Variants in PTPN13 observed in about 807,000 individuals in gnomAD.
PTPN13 encodes tyrosine-protein phosphatase non-receptor type 13.
A neutral mutation model predicts 284.0 loss-of-function variants in PTPN13; 191 were observed. The ratio of observed to expected loss-of-function variants is 0.67; its 90% confidence interval spans 0.60 to 0.76. The LOEUF (loss-of-function observed/expected upper bound fraction) is 0.76. Among genes scored for constraint, PTPN13 ranks in the 30% least tolerant of loss-of-function variants. The pLI, the probability that PTPN13 is intolerant of heterozygous loss-of-function variation, is 0.00. For missense variants in PTPN13, 2,797 were observed against 2,939.9 expected (o/e 0.95, Z 1.12); for synonymous variants, 986 against 1,022.3 (o/e 0.96, Z 0.68).
At chr4:86,658,230 C>T (rs1021504134) in intron 2 of PTPN13, among the ~76,000 whole-genome samples, 40 of 152,190 alleles carry the variant, frequency 2.6e-4, no homozygotes, top group Middle Eastern at 3.2e-3. Context: ...TATGACAGAG[C>T]AGCACTGAGC....
chr4:86,637,532 A>G (rs1723172646), intron 2 of PTPN13, among the ~76,000 whole-genome samples: 1 of 151,838 alleles, frequency 6.6e-6, no homozygotes, highest in Non-Finnish European at 1.5e-5. Flanking sequence ...AATATACGCA[A>G]ATCAATAAAT....
At chr4:86,632,131 A>G (rs962430805) in intron 1 of PTPN13, among the ~76,000 whole-genome samples, 1 of 152,108 alleles carries the variant, frequency 6.6e-6, no homozygotes, top group Non-Finnish European at 1.5e-5. Flanking sequence ...CCCTTTGGTA[A>G]TACTAATGAC....
Position 86,772,909 on chromosome 4 carries a change from G to A in PTPN13, c.5300G>A (p.Trp1767Ter). The change falls in exon 32 of 48, where the codon TGG (tryptophan) becomes TAG (stop). Residue 1767 changes from tryptophan (W) to a stop codon, truncating the protein, a stop_gained. Transcript: ENST00000411767. LOFTEE classifies it high-confidence loss of function. ...TCTGAACCAACTAGACAAGAAAACT[G>A]GACACCTTTGAAAAATGACTTGGAA... ...HISEPTRQEN[W>*]TPLKNDLENH... 1.2e-6 allele frequency: 2 copies of A among 1,609,440 alleles called. No homozygotes were observed. The highest frequency in any genetic ancestry group is 1.7e-6 in the Non-Finnish European group (2 of 1,177,738).
At chr4:86,636,014 A>T (rs1411762745) in intron 2 of PTPN13, among the ~76,000 whole-genome samples, 1 of 152,086 alleles carries the variant, frequency 6.6e-6, no homozygotes, top group East Asian at 1.9e-4. Context: ...TGTACTGTAT[A>T]AACAAATGTA....
At chr4:86,781,542 T>C (rs1372679694) in intron 36 of PTPN13, among the ~76,000 whole-genome samples, 1 of 152,250 alleles carries the variant, frequency 6.6e-6, no homozygotes, top group African/African-American at 2.4e-5. Flanking sequence ...TTAAAAAGCT[T>C]ACTACCTTCT....
rs550918697 is a variant in PTPN13 at position 86,809,925 on chromosome 4, C to T, written c.7240C>T (p.Arg2414Cys). Residue 2414 changes from arginine (R) to cysteine (C), a missense_variant, in exon 46 of 48, where the codon CGT becomes TGT. Coordinates refer to ENST00000411767, the MANE Select transcript of PTPN13 (RefSeq NM_080683.3). ...IITHCSAGIG[R>C]SGTLICIDVV... ...TACGCACTGCAGTGCTGGCATTGGA[C>T]GTTCAGGGACCCTGATTTGCATAGA... The T allele has an allele frequency of 1.2e-5, 19 of 1,613,940 alleles. No individual in the cohort carries two copies. The highest frequency in any genetic ancestry group is 6.7e-5 in the Admixed American group (4 of 60,018).
rs1565522904 is a variant in PTPN13, at chr4:86,766,522, CAG to C, written c.4329+7_4329+8del. ...ACACTGAGAAATACAGGACAGGTAA[CAG>C]ATCATTATACCAACCTTTTACAGTA... On this transcript the variant is annotated splice_donor_region_variant and intron_variant, in intron 27 of 47. Transcript: ENST00000411767. 6.3e-7 allele frequency: 1 copy of C among 1,590,672 alleles called. No homozygotes were observed. Among genetic ancestry groups the C allele is most frequent in the Non-Finnish European group, 8.6e-7 (1 of 1,167,914 alleles).
chr4:86,670,772 T>C (rs1727640974), intron 2 of PTPN13, among the ~76,000 whole-genome samples: 1 of 152,226 alleles, frequency 6.6e-6, no homozygotes, highest in African/African-American at 2.4e-5. Flanking sequence ...ATTGTTTTGC[T>C]TTGTCAGTTC....
intron 23 of PTPN13, among the ~76,000 whole-genome samples, chr4:86,759,638 T>C (rs895598711): frequency 7.2e-5 from 11 of 152,296 alleles, no homozygotes; most frequent in Admixed American, 7.2e-4. Flanking sequence ...AACAGTGCAG[T>C]GGGAAACAGG....
rs768323560 is a variant in PTPN13 at position 86,676,989 on chromosome 4, C to T, written c.294+4446C>T. The stretch of plus-strand genomic sequence containing the variant: ...ACTACTGAAATATATACTTAATGGC[C>T]GGGCACGGTGGCTCACGCCTGTAAT... On this transcript the variant is annotated intron_variant, in intron 3 of 47. Coordinates refer to ENST00000411767, the MANE Select transcript of PTPN13 (RefSeq NM_080683.3). 3.9e-4 allele frequency among the ~76,000 whole-genome samples: 59 copies of T among 152,074 alleles called. 1 individual carries two copies. The highest frequency in any genetic ancestry group is 2.2e-3 in the Admixed American group (33 of 15,258).
chr4:86,595,743 T>C (rs1294460894), intron 1 of PTPN13: 30 of 985,652 alleles, frequency 3.0e-5, no homozygotes, highest in Non-Finnish European at 3.6e-5. Flanking sequence ...AGGCAGGACC[T>C]GAACAAAATG....
intron 40 of PTPN13, among the ~76,000 whole-genome samples, chr4:86,787,557 C>T (rs896181391): frequency 9.3e-5 from 14 of 151,342 alleles, no homozygotes; most frequent in Non-Finnish European, 1.8e-4. Context: ...ACGCCATTGC[C>T]CTCCAGCCTG....
At chr4:86,737,743 G>A (rs975028537) in intron 15 of PTPN13, among the ~76,000 whole-genome samples, 6 of 143,804 alleles carry the variant, frequency 4.2e-5, no homozygotes, top group African/African-American at 1.5e-4. Flanking sequence ...ACTTTTTTTT[G>A]TTTCTGAGAC....
At chr4:86,783,541 G>A (rs1741569293) in intron 37 of PTPN13, among the ~76,000 whole-genome samples, 1 of 151,462 alleles carries the variant, frequency 6.6e-6, no homozygotes, top group African/African-American at 2.4e-5. Flanking sequence ...AATCTTCCAG[G>A]AAGTCTCCCA....
intron 40 of PTPN13, among the ~76,000 whole-genome samples, chr4:86,796,587 G>A (rs1578698096): frequency 6.6e-6 from 1 of 152,156 alleles, no homozygotes; most frequent in African/African-American, 2.4e-5. Flanking sequence ...GGTTACATGA[G>A]TCATGATTGT....
chr4:86,677,836 T>G (rs542781340), intron 3 of PTPN13, among the ~76,000 whole-genome samples: 1 of 152,300 alleles, frequency 6.6e-6, no homozygotes, highest in Non-Finnish European at 1.5e-5. Context: ...ATTTCCATCT[T>G]ATTAGTTTTT....
At position 86,716,522 on chromosome 4, in the gene PTPN13, C is replaced by G. The variant is rs1376873298; in HGVS notation, c.1196-8C>G. The G allele has an allele frequency of 4.6e-6, 7 of 1,520,204 alleles. No homozygotes were observed. Among genetic ancestry groups the G allele is most frequent in the Non-Finnish European group, 6.2e-6 (7 of 1,122,602 alleles). 94.2% of individuals were successfully genotyped at this position (1,520,204 alleles called of 1,614,324 possible). ...TGCTTTCTAATCTTTTTGTTTTAAT[C>G]CTTTTAGAACCAGTTCGAAGATACA... is the stretch of plus-strand genomic sequence containing the variant. On this transcript the variant is annotated splice_region_variant and splice_polypyrimidine_tract_variant and intron_variant, in intron 7 of 47. Coordinates refer to ENST00000411767, the MANE Select transcript of PTPN13 (RefSeq NM_080683.3).
At chr4:86,619,351 A>AT (rs1349011226) in intron 1 of PTPN13, among the ~76,000 whole-genome samples, 1 of 152,212 alleles carries the variant, frequency 6.6e-6, no homozygotes. Flanking sequence ...TTTCAACTTA[A>AT]TATTTGGACA....
intron 2 of PTPN13, among the ~76,000 whole-genome samples, chr4:86,646,457 C>T (rs544995177): frequency 2.6e-5 from 4 of 152,074 alleles, no homozygotes; most frequent in East Asian, 1.9e-4. Context: ...GCCACCATAC[C>T]GGGCTATTTT....
Sources: allele counts gnomAD v4.1 joint callset (sites outside exome capture counted in the v4.1 genomes callset), GRCh38; gene constraint gnomAD v4.1.1; transcripts MANE v1.5; gene names NCBI Gene and HGNC (gene_info 2026-07-23, HGNC 2026-07-21).